TRIM23: variants seen among roughly 807,000 people sequenced by gnomAD.
TRIM23 encodes tripartite motif containing 23.
TRIM23 carries 27 observed loss-of-function variants against 71.0 expected under a neutral mutation model. The ratio of observed to expected loss-of-function variants is 0.38; its 90% CI spans 0.28 to 0.52. TRIM23 has a LOEUF of 0.52. Ranked by LOEUF, TRIM23 falls within the 20% of genes least tolerant of loss-of-function variation. The probability of loss-of-function intolerance (pLI) is 0.84; values close to 1 mark genes in which losing one functional copy is unlikely to be tolerated. For missense variants in TRIM23, 482 were observed against 692.3 expected, an observed-to-expected ratio of 0.70 and a Z score of 3.41; for synonymous variants, 234 against 238.0, an observed-to-expected ratio of 0.98 and a Z score of 0.16.
In TRIM23 at chr5:65,611,054, T is replaced by C. The variant is rs369847386; in HGVS notation, c.646-11A>G. 91 of 1,595,130 alleles carry C rather than the reference T, an allele frequency of 5.7e-5. No homozygotes were observed. The highest frequency in any genetic ancestry group is 7.3e-5 in the Non-Finnish European group (86 of 1,174,492). ...TTCCAATACTGAATGCTATAAAATG[T>C]ACCATAATTAGAGAAAAGAACTCAT... On this transcript the variant is annotated splice_polypyrimidine_tract_variant and intron_variant, in intron 4 of 10. Coordinates refer to ENST00000231524, the MANE Select transcript of TRIM23 (RefSeq NM_001656.4).
intron 4 of TRIM23, 88 bp from the exon 5 acceptor site, chr5:65,611,131 AG>A (rs776683622): frequency 1.6e-6 from 2 of 1,216,094 alleles, no homozygotes; most frequent in Non-Finnish European, 2.2e-6. Context: ...AATACAAAAA[AG>A]CATCAGCCAC....
intron 7 of TRIM23, among the ~76,000 whole-genome samples, chr5:65,599,368 T>A (rs1235907870): frequency 6.6e-6 from 1 of 152,178 alleles, no homozygotes; most frequent in Non-Finnish European, 1.5e-5. Flanking sequence ...AAGAAGTTTC[T>A]CTGAACATGT....
At chr5:65,609,535 C>T in intron 5 of TRIM23, 77 bp from the exon 6 acceptor site, 1 of 1,438,374 alleles carries the variant, frequency 7.0e-7, no homozygotes, top group Non-Finnish European at 9.4e-7. Flanking sequence ...AAAATTTCAG[C>T]CTAGGCAACA....
At position 65,606,981 on chromosome 5, in the gene TRIM23, C is replaced by A. The variant is rs539901550; in HGVS notation, c.1045-1936G>T. 10 of 152,300 alleles carry A rather than the reference C, an allele frequency of 6.6e-5. 1 individual carries two copies. The highest frequency in any genetic ancestry group is 2.4e-4 in the African/African-American group (10 of 41,546). The allele number at this position is 152,300 out of a possible 1,614,324, so 9.4% of individuals were successfully genotyped here. Reference sequence around the variant, plus strand: ...TCACTGATATATTTTAAATACATGGCATATGTTAGCTACTCAATACATATT... The same window carrying A: ...TCACTGATATATTTTAAATACATGGAATATGTTAGCTACTCAATACATATT... On this transcript the variant is annotated intron_variant, in intron 6 of 10. Transcript: ENST00000231524.
At chr5:65,593,376 A>G (rs1754096427) in intron 10 of TRIM23, among the ~76,000 whole-genome samples, 1 of 152,160 alleles carries the variant, frequency 6.6e-6, no homozygotes, top group African/African-American at 2.4e-5. Flanking sequence ...GGGAGGTTGC[A>G]GTGAGCAGAG....
chr5:65,612,796 G>A (rs1754687108), intron 3 of TRIM23, among the ~76,000 whole-genome samples: 1 of 152,140 alleles, frequency 6.6e-6, no homozygotes, highest in African/African-American at 2.4e-5. Context: ...TCCAGCAAGG[G>A]TGACAGAGTG....
intron 1 of TRIM23, among the ~76,000 whole-genome samples, chr5:65,623,198 A>G (rs573721883): frequency 2.0e-4 from 30 of 152,360 alleles, no homozygotes; most frequent in African/African-American, 7.2e-4. Flanking sequence ...AGATGTGAAA[A>G]AAACTTCATA....
rs746828226 is a variant in TRIM23, at chr5:65,604,966, G to A, written c.1124C>T (p.Thr375Ile). The A allele has an allele frequency of 6.2e-7, 1 of 1,614,000 alleles. No individual in the cohort carries two copies. The highest frequency in any genetic ancestry group is 8.5e-7 in the Non-Finnish European group (1 of 1,179,950). The change falls in exon 7 of 11, where the codon ACA becomes ATA. Residue 375 changes from threonine to isoleucine, a missense_variant. Transcript: ENST00000231524. The part of the protein sequence containing the change: ...ETLQKQQQQF[T>I]EVADHIQLDA... ...CAACTGAATGTGATCTGCAACTTCT[G>A]TAAACTGCTGCTGCTGTTTCTGCAA... is the stretch of plus-strand genomic sequence containing the variant.
intron 2 of TRIM23, 139 bp downstream of exon 2, chr5:65,617,954 C>A: frequency 1.1e-6 from 1 of 870,892 alleles, no homozygotes; most frequent in South Asian, 2.1e-5. Flanking sequence ...GATTATTGAC[C>A]TTAATAGAAA....
rs766337680 is a variant in TRIM23, at chr5:65,591,838, C to T, written c.1656G>A (p.Met552Ile). The change falls in exon 11 of 11, where the codon ATG becomes ATA. Residue 552 changes from methionine (M) to isoleucine (I), a missense_variant. Met to Ile is a conservative substitution (Grantham distance 10, BLOSUM62 1). Coordinates refer to ENST00000231524, the MANE Select transcript of TRIM23 (RefSeq NM_001656.4). ...GCCAGTCCAACCCTTCATACAGTCC[C>T]ATACCACTTCGAGCATCACAGCCCT... is the stretch of plus-strand genomic sequence containing the variant. The part of the protein sequence containing the change: ...YIQGCDARSG[M>I]GLYEGLDWLS... The T allele has an allele frequency of 1.2e-6, 2 of 1,614,050 alleles. No individual in the cohort carries two copies. Among genetic ancestry groups the T allele is most frequent in the Middle Eastern group, 1.6e-4 (1 of 6,062 alleles).
At chr5:65,609,554 C>A in intron 5 of TRIM23, 96 bp from the exon 6 acceptor site, 2 of 1,303,322 alleles carry the variant, frequency 1.5e-6, no homozygotes, top group Non-Finnish European at 2.1e-6. Context: ...CATGGCAAAA[C>A]TCTGTCTCTA....
At position 65,591,338 on chromosome 5, in the gene TRIM23, GA is replaced by G; in HGVS notation, c.*430del. 6.9e-7 allele frequency: 1 copy of G among 1,451,012 alleles called. No individual in the cohort carries two copies. The highest frequency in any genetic ancestry group is 9.1e-7 in the Non-Finnish European group (1 of 1,102,890). The allele number at this position is 1,451,012 out of a possible 1,614,324, so 89.9% of individuals were successfully genotyped here. ...CTACTAAATGCTGCCAACATTCAGT[GA>G]AAAGGCAGGTTAAAAGAAGCAGCTA... On this transcript the variant is annotated 3_prime_UTR_variant, in exon 11 of 11. Transcript: ENST00000231524.
At chr5:65,594,141 C>G (rs1451771234) in intron 10 of TRIM23, among the ~76,000 whole-genome samples, 1 of 152,174 alleles carries the variant, frequency 6.6e-6, no homozygotes, top group Non-Finnish European at 1.5e-5. Flanking sequence ...AATGTTCTTC[C>G]TTTCACATAC....
At chr5:65,602,457 G>C (rs1754387213) in intron 7 of TRIM23, among the ~76,000 whole-genome samples, 1 of 151,476 alleles carries the variant, frequency 6.6e-6, no homozygotes, top group Non-Finnish European at 1.5e-5. Flanking sequence ...GAGTCTCTAG[G>C]AAGTTCCAAA....
At chr5:65,595,428 G>A (rs2150621392) in intron 9 of TRIM23, among the ~76,000 whole-genome samples, 1 of 151,842 alleles carries the variant, frequency 6.6e-6, no homozygotes, top group Middle Eastern at 3.4e-3. Context: ...CATGGTGGTG[G>A]GCACCTGTAG....
At chr5:65,606,412 C>T (rs1754503366) in intron 6 of TRIM23, among the ~76,000 whole-genome samples, 1 of 151,300 alleles carries the variant, frequency 6.6e-6, no homozygotes, top group East Asian at 1.9e-4. Flanking sequence ...TATCACTGCA[C>T]TCTAGCTAGC....
In TRIM23 at chr5:65,611,598, C is replaced by G. The variant is rs770976796; in HGVS notation, c.645+5G>C. 6.2e-7 allele frequency: 1 copy of G among 1,609,790 alleles called. No homozygotes were observed. On this transcript the variant is annotated splice_donor_5th_base_variant and intron_variant, in intron 4 of 10. Coordinates refer to ENST00000231524, the MANE Select transcript of TRIM23 (RefSeq NM_001656.4). Reference sequence around the variant, plus strand: ...GATCCAACTGATTAATAATTAAATTCATACCTTGTGACCCTGGTGTTTTCC... The same window carrying G: ...GATCCAACTGATTAATAATTAAATTGATACCTTGTGACCCTGGTGTTTTCC...
At chr5:65,615,453 T>C (rs1033195941) in intron 2 of TRIM23, among the ~76,000 whole-genome samples, 8 of 151,958 alleles carry the variant, frequency 5.3e-5, no homozygotes, top group Non-Finnish European at 1.0e-4. Context: ...ACCTAATACA[T>C]ATTCATTAAA....
chr5:65,614,468 C>G (rs1367497769), intron 2 of TRIM23, among the ~76,000 whole-genome samples: 1 of 152,150 alleles, frequency 6.6e-6, no homozygotes, highest in African/African-American at 2.4e-5. Flanking sequence ...GGTGCTTTGG[C>G]CCACGCCTGT....
Sources: gnomAD v4.1 joint callset for allele counts (sites outside exome capture counted in the v4.1 genomes callset) on GRCh38, gnomAD v4.1.1 for gene constraint, MANE v1.5 for transcripts, NCBI Gene and HGNC (gene_info 2026-07-23, HGNC 2026-07-21) for gene names.